Variants in COL5A1 observed in about 807,000 individuals in gnomAD.
The protein encoded by COL5A1 is collagen alpha-1(V) chain.
Under a neutral mutation model 263.7 loss-of-function variants are expected in COL5A1, and 16 were observed. The ratio of observed to expected loss-of-function variants is 0.06; its 90% CI spans 0.04 to 0.09. The LOEUF is 0.09. Ranked by LOEUF, COL5A1 falls within the 10% of genes least tolerant of loss-of-function variation. The pLI is 1.00. For synonymous variants in COL5A1, 1,012 were observed against 1,004.5 expected (o/e 1.01, Z -0.14); for missense variants, 2,036 against 2,540.5 (o/e 0.80, Z 4.27).
chr9:134,690,196 T>A (rs371416435), intron 1 of COL5A1, among the ~76,000 whole-genome samples: 1 of 152,042 alleles, frequency 6.6e-6, no homozygotes, highest in East Asian at 1.9e-4. Flanking sequence ...GCCCCTCCCT[T>A]GTTCTTGGCT....
rs762336160 is a variant in COL5A1 at position 134,785,046 on chromosome 9, C to T, written c.2542C>T (p.Arg848Cys). ...GEDGPEGPKG[R>C]GGPNGDPGPL... is the part of the protein sequence containing the mutation. ...AGATGGCCCTGAAGGCCCAAAGGGT[C>T]GCGGAGGTCCCAATGGTGACCCCGG... is the stretch of plus-strand genomic sequence containing the variant. Residue 848 changes from arginine (R) to cysteine (C), a missense_variant, in exon 30 of 66, where the codon CGC becomes TGC. By Grantham distance (180) the Arg-to-Cys change is radical (BLOSUM62 -3). Transcript: ENST00000371817. The T allele has an allele frequency of 2.0e-5, 33 of 1,613,426 alleles. No individual in the cohort carries two copies. The highest frequency in any genetic ancestry group is 1.7e-4 in the Middle Eastern group (1 of 6,060).
chr9:134,644,511 C>T (rs1201369329), intron 1 of COL5A1, among the ~76,000 whole-genome samples: 1 of 28,930 alleles, frequency 3.5e-5, no homozygotes, highest in Non-Finnish European at 6.5e-5. Context: ...GATGCAGGCG[C>T]TGGGGGGAGG....
chr9:134,762,128 G>A, intron 19 of COL5A1, 150 bp downstream of exon 19: 2 of 796,340 alleles, frequency 2.5e-6, no homozygotes, highest in East Asian at 2.6e-5. Context: ...GATTCCAGTG[G>A]GCAAAGCGAT....
In COL5A1 at chr9:134,740,945, G is replaced by A. The variant is rs190241230; in HGVS notation, c.1494+2137G>A. Reference sequence around the variant, plus strand: ...CCAGGGTCTGCCATCCGTGGAGTCAGAGGAGAGACCTGGAGCCCACCGGCC... The same window carrying A: ...CCAGGGTCTGCCATCCGTGGAGTCAAAGGAGAGACCTGGAGCCCACCGGCC... On this transcript the variant is annotated intron_variant, in intron 11 of 65. Coordinates refer to ENST00000371817, the MANE Select transcript of COL5A1 (RefSeq NM_000093.5). Among the ~76,000 whole-genome samples, 499 of 152,258 alleles carry A rather than the reference G, an allele frequency of 3.3e-3. 2 individuals carry two copies. Among genetic ancestry groups the A allele is most frequent in the African/African-American group, 0.011 (472 of 41,546 alleles).
Position 134,754,476 on chromosome 9 carries a change from T to G in COL5A1, c.1827+150T>G, listed in dbSNP as rs540250779. On this transcript the variant is annotated intron_variant, in intron 16 of 65. Transcript: ENST00000371817. This position sits in a 1 kb window ranked among gnomAD's most constrained non-coding sequence, Gnocchi z 4.3. Reference sequence around the variant, plus strand: ...TGATGGGTGCGTCCATCCCCAAGGCTGCCTCTGAGCCAGCTGCCTGGGAGG... The same window carrying G: ...TGATGGGTGCGTCCATCCCCAAGGCGGCCTCTGAGCCAGCTGCCTGGGAGG... 1.1e-6 allele frequency: 1 copy of G among 904,136 alleles called. No homozygotes were observed. Among genetic ancestry groups the G allele is most frequent in the South Asian group, 1.4e-5 (1 of 72,486 alleles). 56.0% of individuals were successfully genotyped at this position (904,136 alleles called of 1,614,324 possible).
At chr9:134,832,095 T>C (rs1248651046) in intron 64 of COL5A1, among the ~76,000 whole-genome samples, 1 of 151,790 alleles carries the variant, frequency 6.6e-6, no homozygotes, top group African/African-American at 2.4e-5. Flanking sequence ...CAAGACTCCA[T>C]CTCTATTAAA....
At chr9:134,679,401 T>G (rs1256052591) in intron 1 of COL5A1, among the ~76,000 whole-genome samples, 144 of 48,118 alleles carry the variant, frequency 3.0e-3, no homozygotes, top group African/African-American at 9.8e-3. Flanking sequence ...CTGTGGGGCT[T>G]CTTAGGGGGC....
At chr9:134,810,444 G>A in intron 44 of COL5A1, 136 bp downstream of exon 44, 1 of 806,950 alleles carries the variant, frequency 1.2e-6, no homozygotes, top group South Asian at 1.6e-5. Flanking sequence ...AATCTCCCGT[G>A]CATGTGTGTT....
intron 26 of COL5A1, among the ~76,000 whole-genome samples, chr9:134,773,304 T>C (rs973333238): frequency 2.2e-4 from 34 of 152,218 alleles, no homozygotes; most frequent in African/African-American, 8.0e-4. Context: ...CTGCGGGGCC[T>C]GCTGGGCTGC....
intron 24 of COL5A1, among the ~76,000 whole-genome samples, chr9:134,767,952 G>C (rs552175166): frequency 6.6e-6 from 1 of 152,342 alleles, no homozygotes; most frequent in East Asian, 1.9e-4. Flanking sequence ...TGCCAGGCCT[G>C]GGACCTTCCA....
intron 18 of COL5A1, among the ~76,000 whole-genome samples, chr9:134,760,786 A>G (rs939891619): frequency 4.3e-5 from 6 of 140,328 alleles, no homozygotes; most frequent in African/African-American, 8.2e-5. Flanking sequence ...CTACACATGC[A>G]CACACACGCA....
chr9:134,764,502 GC>G (rs1836587775), intron 20 of COL5A1, among the ~76,000 whole-genome samples: 3 of 152,164 alleles, frequency 2.0e-5, no homozygotes, highest in African/African-American at 7.2e-5. Context: ...AGCAGACTCT[GC>G]CCCAGCCCTG....
chr9:134,784,853 G>T, intron 29 of COL5A1, 136 bp from the exon 30 acceptor site: 1 of 718,654 alleles, frequency 1.4e-6, no homozygotes, highest in East Asian at 2.7e-5. Context: ...TGGTCTGAGT[G>T]AGGCCGAGCT....
rs761717025 is a variant in COL5A1, at chr9:134,750,877, G to A, written c.1657G>A (p.Ala553Thr). ...CCAGGCGCAAGCCATTCTCCAGCAGGCCAGGGTGAGTACTGCTGGGTCCCA... is the reference window on the plus strand; with the variant it reads ...CCAGGCGCAAGCCATTCTCCAGCAGACCAGGGTGAGTACTGCTGGGTCCCA... ...ESQAQAILQQ[A>T]RLALRGPAGP... Residue 553 changes from alanine (A) to threonine (T), a missense_variant, in exon 13 of 66, where the codon GCC (alanine) becomes ACC (threonine). Ala to Thr is a moderately conservative substitution (Grantham distance 58, BLOSUM62 0). Coordinates refer to ENST00000371817, the MANE Select transcript of COL5A1 (RefSeq NM_000093.5). 2 of 1,612,806 alleles carry A rather than the reference G, an allele frequency of 1.2e-6. No homozygotes were observed. The highest frequency in any genetic ancestry group is 1.7e-6 in the Non-Finnish European group (2 of 1,179,718).
rs7030925 is a variant in COL5A1, at chr9:134,754,635, A to G, written c.1827+309A>G. Among the ~76,000 whole-genome samples the G allele has an allele frequency of 0.07, 10,731 of 152,272 alleles. 514 individuals carry two copies. The highest frequency in any genetic ancestry group is 0.13 in the African/African-American group (5,561 of 41,550). On this transcript the variant is annotated intron_variant, in intron 16 of 65. Coordinates refer to ENST00000371817, the MANE Select transcript of COL5A1 (RefSeq NM_000093.5). The surrounding 1 kb of genome is among the most constrained non-coding windows in gnomAD (Gnocchi z 4.3). ...GAGCAAATGTTAAGAAGACAAAACT[A>G]TCAGCGGGCCTTATATATTTCGGGC...
intron 1 of COL5A1, among the ~76,000 whole-genome samples, chr9:134,689,319 A>G (rs951330619): frequency 2.6e-5 from 4 of 152,180 alleles, no homozygotes; most frequent in African/African-American, 9.6e-5. Flanking sequence ...AGCCCGTCGC[A>G]GGCTGATCAC....
At chr9:134,653,980 G>A (rs184711020) in intron 1 of COL5A1, among the ~76,000 whole-genome samples, 1 of 146,582 alleles carries the variant, frequency 6.8e-6, no homozygotes, top group Non-Finnish European at 1.5e-5. Context: ...AGGGCTGGAA[G>A]TGTATAGGGC....
intron 9 of COL5A1, among the ~76,000 whole-genome samples, chr9:134,736,510 G>A (rs1259595414): frequency 7.2e-5 from 11 of 152,224 alleles, no homozygotes; most frequent in Non-Finnish European, 1.6e-4. Context: ...ACCTCCTGAA[G>A]ATCCCACCTC....
At position 134,647,978 on chromosome 9, in the gene COL5A1, T is replaced by C. The variant is rs1046758816; in HGVS notation, c.109+5682T>C. Among the ~76,000 whole-genome samples, 13 of 152,176 alleles carry C rather than the reference T, an allele frequency of 8.5e-5. No homozygotes were observed. The highest frequency in any genetic ancestry group is 2.9e-4 in the African/African-American group (12 of 41,446). On this transcript the variant is annotated intron_variant, in intron 1 of 65. Coordinates refer to ENST00000371817, the MANE Select transcript of COL5A1 (RefSeq NM_000093.5). The surrounding 1 kb of genome is among the most constrained non-coding windows in gnomAD (Gnocchi z 5.0). ...CAAGTATTAATCCTGCGTGTGTCTA[T>C]GAGAGTGTTGCCAAAGGAGATTAAC...
Sources: allele counts gnomAD v4.1 joint callset (sites outside exome capture counted in the v4.1 genomes callset), GRCh38; gene constraint gnomAD v4.1.1; non-coding constraint Gnocchi (gnomAD v3.1); transcripts MANE v1.5; gene names NCBI Gene and HGNC (gene_info 2026-07-23, HGNC 2026-07-21).